Variants in CCDC172 observed in about 807,000 individuals in gnomAD.
CCDC172 encodes the protein coiled-coil domain-containing protein 172.
A neutral mutation model predicts 38.0 loss-of-function variants in CCDC172; 30 were observed. The observed-to-expected ratio is 0.79, with a 90% CI of 0.59 to 1.07. The LOEUF is 1.07. Ranked by LOEUF, CCDC172 falls within the 50% of genes least tolerant of loss-of-function variation. The pLI is 0.00. For missense variants in CCDC172, 297 were observed against 290.1 expected (o/e 1.02, Z -0.17); for synonymous variants, 78 against 88.3 (o/e 0.88, Z 0.66).
At chr10:116,352,383 A>G (rs114888168) in intron 5 of CCDC172, among the ~76,000 whole-genome samples, 1,800 of 152,330 alleles carry the variant, frequency 0.012, 39 homozygotes, top group African/African-American at 0.041. Flanking sequence ...ACTCAGAGCA[A>G]GGAGGAAATT....
Position 116,356,286 on chromosome 10 carries a change from C to T in CCDC172, c.449-1094C>T, listed in dbSNP as rs1319790235. ...CAAAAGTTGCAGTGAGCCGAGATGG[C>T]GCCACTGCACTCCAACCTGGGCAAC... On this transcript the variant is annotated intron_variant, in intron 5 of 8. Transcript: ENST00000333254. Among the ~76,000 whole-genome samples the T allele has an allele frequency of 6.0e-5, 9 of 150,010 alleles. No individual in the cohort carries two copies. In the South Asian group the frequency reaches 1.3e-3, roughly 21 times the overall value.
chr10:116,331,324 C>G (rs1489046349), intron 3 of CCDC172, among the ~76,000 whole-genome samples: 1 of 152,058 alleles, frequency 6.6e-6, no homozygotes, highest in Non-Finnish European at 1.5e-5. Flanking sequence ...AAATTTGAGG[C>G]CCCCTCTCTG....
intron 7 of CCDC172, among the ~76,000 whole-genome samples, chr10:116,372,138 A>G (rs1419141074): frequency 6.6e-6 from 1 of 151,988 alleles, no homozygotes; most frequent in Non-Finnish European, 1.5e-5. Flanking sequence ...GTTTTGCAAA[A>G]TCCTCTGTTT....
chr10:116,333,517 C>T (rs1248337318), intron 3 of CCDC172, among the ~76,000 whole-genome samples: 1 of 152,160 alleles, frequency 6.6e-6, no homozygotes, highest in East Asian at 1.9e-4. Flanking sequence ...CATGAATAAA[C>T]ACTACCTCAG....
chr10:116,342,028 T>C lies in CCDC172; in HGVS notation c.283-8T>C, dbSNP rs772377437. 6 of 1,464,362 alleles carry C rather than the reference T, an allele frequency of 4.1e-6. No homozygotes were observed. The highest frequency in any genetic ancestry group is 5.5e-6 in the Non-Finnish European group (6 of 1,098,292). 90.7% of individuals were successfully genotyped at this position (1,464,362 alleles called of 1,614,324 possible). On this transcript the variant is annotated splice_region_variant and splice_polypyrimidine_tract_variant and intron_variant, in intron 4 of 8. Transcript: ENST00000333254. ...ACCTATATTTGATCTTTTATTTATG[T>C]TTTTCAGGAGGCTATAAAGAAACAA...
intron 3 of CCDC172, among the ~76,000 whole-genome samples, chr10:116,328,395 T>A (rs1401801774): frequency 6.6e-6 from 1 of 152,118 alleles, no homozygotes; most frequent in African/African-American, 2.4e-5. Flanking sequence ...TGTATAGTAT[T>A]GATGACAGGG....
At chr10:116,327,049 T>G (rs1844601345) in intron 3 of CCDC172, among the ~76,000 whole-genome samples, 1 of 152,140 alleles carries the variant, frequency 6.6e-6, no homozygotes, top group Non-Finnish European at 1.5e-5. Context: ...GGGCAAAATA[T>G]GAGCACTTAC....
chr10:116,357,396 A>T lies in CCDC172; in HGVS notation c.465A>T (p.Glu155Asp). ...TGTTTCTAGAAATGAAGTCAATGGA[A>T]CATGATAGTAGCCAGTTAAATGAAC... ...NMLKSEMKSM[E>D]HDSSQLNELQ... The change falls in exon 6 of 9, where the codon GAA becomes GAT. Residue 155 changes from glutamate (E) to aspartate (D), a missense_variant. By Grantham distance (45) the Glu-to-Asp change is conservative. Transcript: ENST00000333254. 6.4e-7 allele frequency: 1 copy of T among 1,568,198 alleles called. No individual in the cohort carries two copies. The highest frequency in any genetic ancestry group is 8.6e-7 in the Non-Finnish European group (1 of 1,160,564).
chr10:116,335,936 G>A (rs769076605), intron 3 of CCDC172, among the ~76,000 whole-genome samples: 2 of 151,936 alleles, frequency 1.3e-5, no homozygotes, highest in South Asian at 2.1e-4. Context: ...AGAGGCCAAG[G>A]GGGGTGGATC....
chr10:116,365,008 A>G (rs370471726), intron 7 of CCDC172, among the ~76,000 whole-genome samples: 217 of 152,282 alleles, frequency 1.4e-3, no homozygotes, highest in African/African-American at 5.0e-3. Context: ...TCATTATTTG[A>G]TGACTCAGAG....
At chr10:116,356,141 A>C (rs905684626) in intron 5 of CCDC172, among the ~76,000 whole-genome samples, 3 of 151,776 alleles carry the variant, frequency 2.0e-5, no homozygotes, top group African/African-American at 7.3e-5. Flanking sequence ...GACCAGCCTG[A>C]CCAACATGGT....
intron 5 of CCDC172, among the ~76,000 whole-genome samples, chr10:116,342,805 T>G (rs928749251): frequency 1.3e-5 from 2 of 152,152 alleles, no homozygotes; most frequent in Admixed American, 6.6e-5. Flanking sequence ...TTTAAAAGTA[T>G]GTAGCACCTC....
rs572779407 is a variant in CCDC172 at position 116,352,990 on chromosome 10, A to G, written c.449-4390A>G. Among the ~76,000 whole-genome samples the G allele has an allele frequency of 7.9e-5, 12 of 152,118 alleles. No homozygotes were observed. In the South Asian group the frequency reaches 8.3e-4, roughly 11 times the overall value. ...GGGTGGATCACGAGGTCAGGAGATC[A>G]AGACCATCCTGGCTAACATGGTGAA... On this transcript the variant is annotated intron_variant, in intron 5 of 8. Transcript: ENST00000333254.
chr10:116,375,946 C>T (rs1450156249), intron 7 of CCDC172, among the ~76,000 whole-genome samples: 2 of 152,144 alleles, frequency 1.3e-5, no homozygotes, highest in Non-Finnish European at 1.5e-5. Flanking sequence ...TTAGTTCAAC[C>T]ATTGTGGAAG....
chr10:116,364,036 TAAAC>T (rs1055384875), intron 7 of CCDC172, among the ~76,000 whole-genome samples: 4 of 151,972 alleles, frequency 2.6e-5, no homozygotes, highest in East Asian at 1.9e-4. Flanking sequence ...GTCATTATGA[TAAAC>T]AAAGGATAAC....
chr10:116,368,455 C>A (rs575902246), intron 7 of CCDC172, among the ~76,000 whole-genome samples: 2 of 152,018 alleles, frequency 1.3e-5, no homozygotes, highest in Non-Finnish European at 2.9e-5. Flanking sequence ...AAAAAAAATT[C>A]TCTACGTACT....
In CCDC172 at chr10:116,342,200, T is replaced by C. The variant is rs762970200; in HGVS notation, c.447T>C (p.Ser149=). 2.6e-6 allele frequency: 4 copies of C among 1,523,674 alleles called. No homozygotes were observed. The highest frequency in any genetic ancestry group is 3.5e-6 in the Non-Finnish European group (4 of 1,146,848). 94.4% of individuals were successfully genotyped at this position (1,523,674 alleles called of 1,614,324 possible). Residue 149 remains serine (S), a splice_region_variant and synonymous_variant, in exon 5 of 9, where the codon AGT becomes AGC. Transcript: ENST00000333254. ...AAAACCAAGCAAACATGTTGAAAAG[T>C]GGTATGAATAAATATCACCTCATTT... ...DLENQANMLK[S]EMKSMEHDSS... is the part of the protein sequence containing the mutation.
At chr10:116,345,418 A>G (rs1844853591) in intron 5 of CCDC172, among the ~76,000 whole-genome samples, 1 of 152,214 alleles carries the variant, frequency 6.6e-6, no homozygotes, top group Non-Finnish European at 1.5e-5. Context: ...AATCTTTTCC[A>G]TCTTGGAATA....
chr10:116,326,635 T>C (rs1308830363), intron 3 of CCDC172, among the ~76,000 whole-genome samples: 1 of 152,200 alleles, frequency 6.6e-6, no homozygotes, highest in Non-Finnish European at 1.5e-5. Context: ...TAAAGACATC[T>C]TGGTAAAATT....
Sources: gnomAD v4.1 joint callset for allele counts (sites outside exome capture counted in the v4.1 genomes callset) on GRCh38, gnomAD v4.1.1 for gene constraint, MANE v1.5 for transcripts, NCBI Gene and HGNC (gene_info 2026-07-23, HGNC 2026-07-21) for gene names.